MICAL3: variants seen among roughly 807,000 people sequenced by gnomAD.
MICAL3 encodes [F-actin]-monooxygenase MICAL3.
A neutral mutation model predicts 207.4 loss-of-function variants in MICAL3; 62 were observed. The observed-to-expected ratio is 0.30, with a 90% CI of 0.24 to 0.37. The LOEUF (loss-of-function observed/expected upper bound fraction) is 0.37, where lower values mean the gene tolerates loss of function less well. Among genes scored for constraint, MICAL3 ranks in the 10% least tolerant of loss-of-function variants. The probability of loss-of-function intolerance (pLI) is 1.00; values close to 1 mark genes in which losing one functional copy is unlikely to be tolerated. For synonymous variants in MICAL3, 1,077 were observed against 1,069.3 expected (o/e 1.01, Z -0.14); for missense variants, 2,368 against 2,635.6 (o/e 0.90, Z 2.22).
intron 1 of MICAL3, among the ~76,000 whole-genome samples, chr22:17,943,307 C>T (rs1933897412): frequency 6.6e-6 from 1 of 152,166 alleles, no homozygotes; most frequent in Non-Finnish European, 1.5e-5. Flanking sequence ...GGATTACAGG[C>T]AACTGCCATC....
chr22:18,020,613 TAAAAA>T (rs55654559), intron 1 of MICAL3, among the ~76,000 whole-genome samples: 150 of 119,736 alleles, frequency 1.3e-3, no homozygotes, highest in African/African-American at 4.4e-3. Context: ...CTTTAAAAAG[TAAAAA>T]AAAAAAAAAA....
At chr22:17,992,183 G>C (rs1921757561) in intron 1 of MICAL3, among the ~76,000 whole-genome samples, 1 of 152,162 alleles carries the variant, frequency 6.6e-6, no homozygotes, top group Non-Finnish European at 1.5e-5. Flanking sequence ...AGTGGTGACG[G>C]GCCCAAGGGC....
intron 1 of MICAL3, among the ~76,000 whole-genome samples, chr22:17,947,972 T>TAA (rs553101137): frequency 6.2e-5 from 9 of 144,218 alleles, no homozygotes; most frequent in African/African-American, 2.3e-4. Context: ...AGCAAAAGTT[T>TAA]AAAAAAAAAA....
At chr22:18,017,752 A>AT (rs532674200) in intron 1 of MICAL3, among the ~76,000 whole-genome samples, 18,786 of 131,502 alleles carry the variant, frequency 0.14, 1,585 homozygotes, top group Non-Finnish European at 0.19. Context: ...CACCCGGCTA[A>AT]TTTTTTTTTT....
intron 16 of MICAL3, 78 bp from the exon 17 acceptor site, chr22:17,872,101 C>A (rs73386332): frequency 2.8e-5 from 37 of 1,315,680 alleles, no homozygotes; most frequent in Non-Finnish European, 3.7e-5. Context: ...CACAGCCTTG[C>A]GAGAGCAAAG....
intron 1 of MICAL3, among the ~76,000 whole-genome samples, chr22:17,996,256 G>GGTGAAACC (rs982659756): frequency 6.6e-6 from 1 of 151,722 alleles, no homozygotes; most frequent in Non-Finnish European, 1.5e-5. Context: ...TGGCTAACAC[G>GGTGAAACC]GTGAAACCTT....
At chr22:17,917,504 C>A (rs922513116) in intron 1 of MICAL3, among the ~76,000 whole-genome samples, 1 of 152,222 alleles carries the variant, frequency 6.6e-6, no homozygotes, top group South Asian at 2.1e-4. Context: ...CATTGAGACA[C>A]CACCAGCTCT....
intron 1 of MICAL3, among the ~76,000 whole-genome samples, chr22:17,935,175 A>G (rs999507585): frequency 1.3e-5 from 2 of 152,212 alleles, no homozygotes; most frequent in African/African-American, 2.4e-5. Context: ...CTGACTTCAA[A>G]CTATACTACA....
Position 17,818,044 on chromosome 22 carries a change from C to T in MICAL3, c.4617G>A (p.Leu1539=). ...ACGGGGGCGTGAAGAATTTCTCCTG[C>T]AGGCTTGAGTCCTCAGTCTTGTCGT... The part of the protein sequence containing the change: ...TYDDKTEDSS[L]QEKFFTPPSC... Residue 1539 remains leucine (L), a synonymous_variant, in exon 26 of 32, where the codon CTG becomes CTA. Transcript: ENST00000441493. 1 of 1,612,912 alleles carries T rather than the reference C, an allele frequency of 6.2e-7. No homozygotes were observed. Among genetic ancestry groups the T allele is most frequent in the Non-Finnish European group, 8.5e-7 (1 of 1,179,768 alleles).
intron 16 of MICAL3, among the ~76,000 whole-genome samples, chr22:17,880,455 G>C (rs1929316005): frequency 6.6e-6 from 1 of 152,352 alleles, no homozygotes; most frequent in Non-Finnish European, 1.5e-5. Flanking sequence ...TCAGTTCTGA[G>C]AACCATGGAC....
intron 29 of MICAL3, among the ~76,000 whole-genome samples, chr22:17,798,051 C>T (rs1397919098): frequency 6.6e-6 from 1 of 152,250 alleles, no homozygotes; most frequent in Non-Finnish European, 1.5e-5. Flanking sequence ...ACTTCTAGAG[C>T]CCAGAGGCCC....
rs915084895 is a variant in MICAL3, at chr22:17,876,220, C to G, written c.2242-4197G>C. Among the ~76,000 whole-genome samples, 56 of 152,160 alleles carry G rather than the reference C, an allele frequency of 3.7e-4. 3 individuals carry two copies. Among genetic ancestry groups the G allele is most frequent in the Non-Finnish European group, 1.5e-5 (1 of 68,038 alleles). ...GGCAAGGGTCTCCCTTAGCCGTGGG[C>G]CCATGCAGCTAGGAACCCAGTCCCC... On this transcript the variant is annotated intron_variant, in intron 16 of 31. Coordinates refer to ENST00000441493, the MANE Select transcript of MICAL3 (RefSeq NM_015241.3).
chr22:17,795,708 CCGAGCTGCG>C (rs2061868770), intron 29 of MICAL3, among the ~76,000 whole-genome samples: 1 of 152,254 alleles, frequency 6.6e-6, no homozygotes, highest in South Asian at 2.1e-4. Context: ...GCCGGCGAGT[CCGAGCTGCG>C]CTGCGGGGCC....
intron 19 of MICAL3, among the ~76,000 whole-genome samples, chr22:17,859,609 A>G (rs946070713): frequency 2.6e-5 from 4 of 152,270 alleles, no homozygotes; most frequent in Non-Finnish European, 5.9e-5. Flanking sequence ...CAAAGACAGC[A>G]TGAGAGAGAA....
intron 29 of MICAL3, among the ~76,000 whole-genome samples, chr22:17,801,615 T>G (rs115525676): frequency 6.6e-6 from 1 of 150,698 alleles, no homozygotes; most frequent in African/African-American, 2.4e-5. Flanking sequence ...AGATGCGGGC[T>G]GGGCGCGGTG....
chr22:17,893,521 G>C (rs557209532), intron 11 of MICAL3, among the ~76,000 whole-genome samples: 96 of 152,088 alleles, frequency 6.3e-4, no homozygotes, highest in African/African-American at 2.3e-3. Flanking sequence ...CTGTGCTCTC[G>C]TAACACCTCA....
At chr22:17,971,432 A>T (rs1217519314) in intron 1 of MICAL3, among the ~76,000 whole-genome samples, 2 of 152,084 alleles carry the variant, frequency 1.3e-5, no homozygotes, top group African/African-American at 4.8e-5. Flanking sequence ...GCAGTGAGCT[A>T]TCGCACCATT....
At chr22:17,810,996 A>G in intron 27 of MICAL3, 183 bp from the exon 28 acceptor site, 2 of 571,302 alleles carry the variant, frequency 3.5e-6, no homozygotes, top group Non-Finnish European at 6.3e-6. Flanking sequence ...GATAGGCAGA[A>G]GGCATGAGGT....
rs2061799271 is a variant in MICAL3 at position 17,787,730 on chromosome 22, T to G, written c.*3002A>C. On this transcript the variant is annotated 3_prime_UTR_variant, in exon 32 of 32. Coordinates refer to ENST00000441493, the MANE Select transcript of MICAL3 (RefSeq NM_015241.3). Reference sequence around the variant, plus strand: ...ATGTTACCACCTTTAAAAAAATGTTTTTTAACTCTCCTTTCTGTCCCACTG... The same window carrying G: ...ATGTTACCACCTTTAAAAAAATGTTGTTTAACTCTCCTTTCTGTCCCACTG... 6.6e-6 allele frequency: 1 copy of G among 152,268 alleles called. No homozygotes were observed. Among genetic ancestry groups the G allele is most frequent in the Non-Finnish European group, 1.5e-5 (1 of 68,044 alleles). The allele number at this position is 152,268 out of a possible 1,614,324, so 9.4% of individuals were successfully genotyped here.
Sources: allele counts gnomAD v4.1 joint callset (sites outside exome capture counted in the v4.1 genomes callset), GRCh38; gene constraint gnomAD v4.1.1; transcripts MANE v1.5; gene names NCBI Gene and HGNC (gene_info 2026-07-23, HGNC 2026-07-21).